NEK11: variants seen among roughly 807,000 people sequenced by gnomAD.
NEK11 encodes the protein NIMA related kinase 11, also known as serine/threonine-protein kinase Nek11.
In NEK11, 72 loss-of-function variants were observed where a neutral mutation model predicts 80.7. That is an observed-to-expected ratio of 0.89 (90% CI 0.74 to 1.08). The LOEUF is 1.08. Ranked by LOEUF, NEK11 falls within the 50% of genes least tolerant of loss-of-function variation. The pLI is 0.00. For synonymous variants in NEK11, 251 were observed against 260.7 expected, an observed-to-expected ratio of 0.96 and a Z score of 0.36; for missense variants, 764 against 763.6, an observed-to-expected ratio of 1.00 and a Z score of -0.01.
At chr3:131,069,558 CA>C (rs949448266) in intron 3 of NEK11, among the ~76,000 whole-genome samples, 3 of 151,844 alleles carry the variant, frequency 2.0e-5, no homozygotes, top group African/African-American at 7.3e-5. Flanking sequence ...TTCGCAATAG[CA>C]AAGACTTGGA....
Position 131,136,059 on chromosome 3 carries a change from G to GAA in NEK11, c.647+2112_647+2113dup, listed in dbSNP as rs954395183. 3.5e-3 allele frequency among the ~76,000 whole-genome samples: 517 copies of GAA among 146,132 alleles called. 1 individual carries two copies. Among genetic ancestry groups the GAA allele is most frequent in the African/African-American group, 0.012 (488 of 40,044 alleles). ...AGGATTACAAAACTGTCTGACTCAA[G>GAA]AAAAAAAAAACAGCCAAAACCTCCA... On this transcript the variant is annotated intron_variant, in intron 7 of 17. Transcript: ENST00000383366.
chr3:131,299,993 T>C (rs1167264638), intron 17 of NEK11, among the ~76,000 whole-genome samples: 3 of 152,216 alleles, frequency 2.0e-5, no homozygotes, highest in Non-Finnish European at 4.4e-5. Context: ...ACATTCCCAC[T>C]GGCAGTGTAT....
At chr3:131,249,563 A>G (rs1035387840) in intron 16 of NEK11, among the ~76,000 whole-genome samples, 25 of 152,084 alleles carry the variant, frequency 1.6e-4, no homozygotes, top group Non-Finnish European at 3.2e-4. Context: ...GGGTGATGTG[A>G]TGTGATGAAA....
At chr3:131,265,277 A>G (rs1355676608) in intron 16 of NEK11, among the ~76,000 whole-genome samples, 5 of 152,180 alleles carry the variant, frequency 3.3e-5, no homozygotes, top group African/African-American at 1.2e-4. Flanking sequence ...GAGAGAGGTC[A>G]TTCTTGTCTT....
At chr3:131,183,435 T>TC (rs1359981898) in intron 14 of NEK11, among the ~76,000 whole-genome samples, 1 of 152,144 alleles carries the variant, frequency 6.6e-6, no homozygotes, top group African/African-American at 2.4e-5. Context: ...ATTCTCTCCC[T>TC]CCCCCTGGCC....
rs558272507 is a variant in NEK11, at chr3:131,127,068, C to T, written c.456-5677C>T. The stretch of plus-strand genomic sequence containing the variant: ...GCAACCTCCGCCTCCCATGTTCAAG[C>T]AATTATCCTGCCTCAGCCTCCTGAG... On this transcript the variant is annotated intron_variant, in intron 5 of 17. Coordinates refer to ENST00000383366, the MANE Select transcript of NEK11 (RefSeq NM_024800.5). Among the ~76,000 whole-genome samples the T allele has an allele frequency of 6.8e-5, 10 of 147,810 alleles. No homozygotes were observed. The South Asian group carries it at 1.9e-3, about 28-fold the overall frequency.
intron 17 of NEK11, among the ~76,000 whole-genome samples, chr3:131,349,250 T>C (rs572395557): frequency 1.3e-5 from 2 of 152,280 alleles, no homozygotes; most frequent in African/African-American, 4.8e-5. Context: ...CATACGTTTA[T>C]ATAAACACAT....
chr3:131,183,128 G>A (rs534364992), intron 14 of NEK11, among the ~76,000 whole-genome samples: 1 of 152,188 alleles, frequency 6.6e-6, no homozygotes, highest in East Asian at 1.9e-4. Context: ...TACTTGAGAG[G>A]GCTGAAAGGT....
chr3:131,185,872 G>A (rs2093577602), intron 14 of NEK11, among the ~76,000 whole-genome samples: 1 of 152,000 alleles, frequency 6.6e-6, no homozygotes, highest in South Asian at 2.1e-4. Flanking sequence ...AGAGATTTGG[G>A]GCCAGACTTT....
chr3:131,077,158 T>G (rs1195733162), intron 3 of NEK11, among the ~76,000 whole-genome samples: 1 of 152,188 alleles, frequency 6.6e-6, no homozygotes, highest in East Asian at 1.9e-4. Context: ...ATGCCTCGTT[T>G]TGCTACTGTC....
In NEK11 at chr3:131,115,952, T is replaced by TTCTTTC. The variant is rs1553878404; in HGVS notation, c.455+6033_455+6038dup. ...TTTCTTTCTTTCTTTCTTTCTTTCT[T>TTCTTTC]TCTTTCTTTCTTTCTTTCTTTCTTT... On this transcript the variant is annotated intron_variant, in intron 5 of 17. Transcript: ENST00000383366. Among the ~76,000 whole-genome samples, 68 of 133,208 alleles carry TTCTTTC rather than the reference T, an allele frequency of 5.1e-4. 1 individual carries two copies. Among genetic ancestry groups the TTCTTTC allele is most frequent in the Non-Finnish European group, 8.5e-4 (52 of 61,286 alleles). The allele number at this position is 133,208 out of a possible 152,430, so 87.4% of individuals were successfully genotyped here. A position where few individuals can be genotyped will look rare whatever the true frequency, so the allele number is the denominator to read the frequency against.
intron 12 of NEK11, among the ~76,000 whole-genome samples, chr3:131,167,772 C>T (rs982728224): frequency 6.6e-6 from 1 of 152,206 alleles, no homozygotes; most frequent in Non-Finnish European, 1.5e-5. Flanking sequence ...GAACTCCCAA[C>T]TCATCACTTC....
At chr3:131,233,008 G>GGAAA (rs1045325094) in intron 15 of NEK11, among the ~76,000 whole-genome samples, 52 of 150,924 alleles carry the variant, frequency 3.4e-4, no homozygotes, top group Non-Finnish European at 5.9e-5. Context: ...AAGGAAGGAA[G>GGAAA]GAAGGAAGGA....
In NEK11 at chr3:131,148,744, G is replaced by GATAT. The variant is rs5852616; in HGVS notation, c.648-3628_648-3625dup. 6.4e-3 allele frequency among the ~76,000 whole-genome samples: 954 copies of GATAT among 149,146 alleles called. 10 individuals carry two copies. Among genetic ancestry groups the GATAT allele is most frequent in the African/African-American group, 0.018 (740 of 40,794 alleles). ...GGGGTACATGTGCAGGTTTGTTACA[G>GATAT]ATATATATATATATATATAATATGT... On this transcript the variant is annotated intron_variant, in intron 7 of 17. Transcript: ENST00000383366.
At chr3:131,068,823 G>A (rs551150693) in intron 3 of NEK11, among the ~76,000 whole-genome samples, 3 of 152,256 alleles carry the variant, frequency 2.0e-5, no homozygotes, top group Admixed American at 2.0e-4. Flanking sequence ...TTTTATTTGG[G>A]TATAAGCACA....
chr3:131,041,953 G>A (rs191018519), intron 3 of NEK11, among the ~76,000 whole-genome samples: 3 of 152,150 alleles, frequency 2.0e-5, no homozygotes, highest in African/African-American at 4.8e-5. Context: ...CACGGAGGGC[G>A]AGCAGAAGGA....
At position 131,318,231 on chromosome 3, in the gene NEK11, T is replaced by C. The variant is rs76376760; in HGVS notation, c.1719-31326T>C. 7.5e-3 allele frequency among the ~76,000 whole-genome samples: 1,138 copies of C among 152,320 alleles called. 9 individuals are homozygous for C. Among genetic ancestry groups the C allele is most frequent in the Non-Finnish European group, 0.012 (820 of 68,034 alleles). ...CTACTTCAGTTGTGCCATAGTATCA[T>C]TGGCGTTCTTGAGCTCTATTTCAAT... On this transcript the variant is annotated intron_variant, in intron 17 of 17. Coordinates refer to ENST00000383366, the MANE Select transcript of NEK11 (RefSeq NM_024800.5).
chr3:131,296,034 T>C (rs994038754), intron 17 of NEK11, among the ~76,000 whole-genome samples: 73 of 151,800 alleles, frequency 4.8e-4, no homozygotes, highest in African/African-American at 1.8e-3. Flanking sequence ...AGAGATAGGG[T>C]TTCACCATGA....
chr3:131,255,071 A>AGAAGGAAG lies in NEK11; in HGVS notation c.1621+11578_1621+11579insGGAAGGAA, dbSNP rs1418364396. On this transcript the variant is annotated intron_variant, in intron 16 of 17. Transcript: ENST00000383366. ...GAGAGAGACAGACAGACAGACAGAC[A>AGAAGGAAG]GAAAGAAGGAAAGAAAGAAAGAAAG... 5.7e-5 allele frequency among the ~76,000 whole-genome samples: 7 copies of AGAAGGAAG among 123,240 alleles called. 1 individual carries two copies. The South Asian group carries it at 1.9e-3, about 34-fold the overall frequency. The allele number at this position is 123,240 out of a possible 152,430, so 80.9% of individuals were successfully genotyped here.
Sources: allele counts gnomAD v4.1 joint callset (sites outside exome capture counted in the v4.1 genomes callset), GRCh38; gene constraint gnomAD v4.1.1; transcripts MANE v1.5; gene names NCBI Gene and HGNC (gene_info 2026-07-23, HGNC 2026-07-21).